Variants in IFIH1 observed in about 807,000 individuals in gnomAD.
The protein encoded by IFIH1 is interferon induced with helicase C domain 1, also known as interferon-induced helicase C domain-containing protein 1.
In IFIH1, 125 loss-of-function variants were observed where a neutral mutation model predicts 107.4. The ratio of observed to expected loss-of-function variants is 1.16; its 90% CI spans 1.01 to 1.35. The LOEUF is 1.35. Among genes scored for constraint, IFIH1 ranks in the 40% most tolerant of loss-of-function variants. The probability of loss-of-function intolerance (pLI) is 0.00; values close to 1 mark genes in which losing one functional copy is unlikely to be tolerated. For missense variants in IFIH1, 1,333 were observed against 1,213.7 expected (o/e 1.10, Z -1.46); for synonymous variants, 458 against 413.2 (o/e 1.11, Z -1.31).
rs1314564521 is a variant in IFIH1 at position 162,280,006 on chromosome 2, G to A, written c.1631C>T (p.Ala544Val). The A allele has an allele frequency of 6.4e-7, 1 of 1,567,010 alleles. No individual in the cohort carries two copies. The highest frequency in any genetic ancestry group is 2.2e-5 in the East Asian group (1 of 44,594). The change falls in exon 8 of 16, where the codon GCA becomes GTA. Residue 544 changes from alanine to valine, a missense_variant. Ala to Val is a moderately conservative substitution (Grantham distance 64). Coordinates refer to ENST00000649979, the MANE Select transcript of IFIH1 (RefSeq NM_022168.4). ...EPCKKFAIADATREDPFKEKL... is the reference protein window; with the variant it reads ...EPCKKFAIADVTREDPFKEKL... ...ACATTAAGCCCATACTTCTCTGGTT[G>A]CATCTGCAATGGCAAACTTCTTGCA...
At chr2:162,274,320 G>A (rs1691107949) in intron 11 of IFIH1, among the ~76,000 whole-genome samples, 1 of 152,118 alleles carries the variant, frequency 6.6e-6, no homozygotes, top group Admixed American at 6.6e-5. Flanking sequence ...ATTAACTTCA[G>A]AATCTTTGCT....
At chr2:162,270,665 G>A (rs1691018148) in intron 13 of IFIH1, among the ~76,000 whole-genome samples, 2 of 152,108 alleles carry the variant, frequency 1.3e-5, no homozygotes, top group Non-Finnish European at 2.9e-5. Context: ...TTAAACTCCA[G>A]AGATTGTCCT....
At chr2:162,314,739 C>T (rs954677325) in intron 1 of IFIH1, among the ~76,000 whole-genome samples, 5 of 151,992 alleles carry the variant, frequency 3.3e-5, no homozygotes, top group Non-Finnish European at 7.4e-5. Flanking sequence ...CCACCCTCCT[C>T]GGCCTCCCAA....
intron 9 of IFIH1, 92 bp downstream of exon 9, chr2:162,278,113 C>T (rs1682737016): frequency 9.2e-7 from 1 of 1,091,500 alleles, no homozygotes; most frequent in South Asian, 1.5e-5. Flanking sequence ...ACTACTTTTG[C>T]TTTCCATTTT....
At chr2:162,287,738 C>T (rs1682921512) in intron 5 of IFIH1, among the ~76,000 whole-genome samples, 1 of 151,850 alleles carries the variant, frequency 6.6e-6, no homozygotes, top group African/African-American at 2.4e-5. Flanking sequence ...AATATTTGAT[C>T]CTTGATTCCA....
chr2:162,281,338 T>C lies in IFIH1; in HGVS notation c.1514A>G (p.His505Arg), dbSNP rs1310608345. Residue 505 changes from histidine to arginine, a missense_variant, in exon 7 of 16, where the codon CAC becomes CGC. His to Arg is a conservative substitution (Grantham distance 29). Coordinates refer to ENST00000649979, the MANE Select transcript of IFIH1 (RefSeq NM_022168.4). ...AAAATTATGACTTACTTTTAAAATG[T>C]GTTCTTCAGCTTTGGCTTGCTTCGT... ...GATKQAKAEE[H>R]ILKLCANLDA... is the part of the protein sequence containing the mutation. The C allele has an allele frequency of 2.5e-6, 4 of 1,611,588 alleles. No individual in the cohort carries two copies. In the East Asian group the frequency reaches 6.7e-5, roughly 27 times the overall value.
chr2:162,272,432 T>C (rs1202694778), intron 12 of IFIH1, 45 bp from the exon 13 acceptor site: 12 of 1,544,294 alleles, frequency 7.8e-6, no homozygotes, highest in South Asian at 1.1e-5. Flanking sequence ...TACGTTGTGA[T>C]ACAAATCCTC....
At chr2:162,288,795 G>C (rs1280790056) in intron 4 of IFIH1, among the ~76,000 whole-genome samples, 2 of 151,842 alleles carry the variant, frequency 1.3e-5, no homozygotes, top group Non-Finnish European at 2.9e-5. Context: ...AGCTGAGAAA[G>C]TTGGAATCAT....
rs760939547 is a variant in IFIH1, at chr2:162,314,416, TTTTCTTTCTTTC to T, written c.453+3427_453+3438del. 4.0e-3 allele frequency among the ~76,000 whole-genome samples: 208 copies of T among 51,424 alleles called. 5 individuals carry two copies. Among genetic ancestry groups the T allele is most frequent in the African/African-American group, 0.012 (102 of 8,414 alleles). 33.7% of individuals were successfully genotyped at this position (51,424 alleles called of 152,430 possible). On this transcript the variant is annotated intron_variant, in intron 1 of 15. Coordinates refer to ENST00000649979, the MANE Select transcript of IFIH1 (RefSeq NM_022168.4). ...CCTCCCTCCTTTCTTTCTTTCTTTC[TTTTCTTTCTTTC>T]TTTCTTTCTTTCTTTCTTTCTTTCT...
Sources: allele counts gnomAD v4.1 joint callset (sites outside exome capture counted in the v4.1 genomes callset), GRCh38; gene constraint gnomAD v4.1.1; transcripts MANE v1.5; gene names NCBI Gene and HGNC (gene_info 2026-07-23, HGNC 2026-07-21).